MYEF2: variants seen among roughly 807,000 people sequenced by gnomAD.
MYEF2 encodes myelin gene expression factor 2.
MYEF2 carries 37 observed loss-of-function variants against 75.2 expected under a neutral mutation model. The ratio of observed to expected loss-of-function variants is 0.49; its 90% confidence interval spans 0.38 to 0.65. MYEF2 has a LOEUF of 0.65. Among genes scored for constraint, MYEF2 ranks in the 30% least tolerant of loss-of-function variants. MYEF2 has a pLI of 0.00. For missense variants in MYEF2, 634 were observed against 771.4 expected (o/e 0.82, Z 2.11); for synonymous variants, 195 against 241.6 (o/e 0.81, Z 1.79).
intron 11 of MYEF2, 96 bp from the exon 12 acceptor site, chr15:48,152,038 C>T: frequency 7.7e-7 from 1 of 1,292,486 alleles, no homozygotes; most frequent in Non-Finnish European, 1.1e-6. Context: ...AGCTCTTCAT[C>T]CACCCTACCT....
chr15:48,157,885 C>A, intron 9 of MYEF2, 108 bp downstream of exon 9: 1 of 1,522,584 alleles, frequency 6.6e-7, no homozygotes, highest in Non-Finnish European at 8.8e-7. Context: ...AAACTAATCC[C>A]AAATTGTGAG....
Position 48,165,926 on chromosome 15 carries a change from A to C in MYEF2, c.525+7T>G. 1.3e-6 allele frequency: 2 copies of C among 1,488,580 alleles called. No homozygotes were observed. Among genetic ancestry groups the C allele is most frequent in the Non-Finnish European group, 1.8e-6 (2 of 1,092,368 alleles). 92.2% of individuals were successfully genotyped at this position (1,488,580 alleles called of 1,614,324 possible). On this transcript the variant is annotated splice_region_variant and intron_variant, in intron 5 of 16. Coordinates refer to ENST00000324324, the MANE Select transcript of MYEF2 (RefSeq NM_016132.5). ...AATGTTTAAATTCTAAATATGAGAA[A>C]TCTTACCTCTTTAATATTAAGGGGT...
In MYEF2 at chr15:48,141,511, A is replaced by C. The variant is rs1031920567; in HGVS notation, c.*1397T>G. 2 of 204,368 alleles carry C rather than the reference A, an allele frequency of 9.8e-6. No individual in the cohort carries two copies. The highest frequency in any genetic ancestry group is 4.7e-5 in the African/African-American group (2 of 42,466). The allele number at this position is 204,368 out of a possible 1,614,324, so 12.7% of individuals were successfully genotyped here. On this transcript the variant is annotated 3_prime_UTR_variant, in exon 17 of 17. Coordinates refer to ENST00000324324, the MANE Select transcript of MYEF2 (RefSeq NM_016132.5). ...AGAATTGTTTGAATCCAGGAGGCGG[A>C]GGTTGCAGTGAGCCGAGATTGCGCC...
rs751803418 is a variant in MYEF2 at position 48,158,823 on chromosome 15, T to G, written c.817A>C (p.Arg273=). 101 of 1,613,732 alleles carry G rather than the reference T, an allele frequency of 6.3e-5. No homozygotes were observed. Among genetic ancestry groups the G allele is most frequent in the Non-Finnish European group, 8.6e-5 (101 of 1,179,826 alleles). Residue 273 remains arginine, a synonymous_variant, in exon 7 of 17, where the codon AGA becomes CGA. Coordinates refer to ENST00000324324, the MANE Select transcript of MYEF2 (RefSeq NM_016132.5). ...TCAAAAGTGACAGTGCCCATTCCTCTGCTCTTGCCATCTTTGTCTTCTTTA... is the reference window on the plus strand; with the variant it reads ...TCAAAAGTGACAGTGCCCATTCCTCGGCTCTTGCCATCTTTGTCTTCTTTA... ...DIKEDKDGKS[R]GMGTVTFEQA...
At position 48,152,282 on chromosome 15, in the gene MYEF2, T is replaced by A; in HGVS notation, c.1090A>T (p.Met364Leu). 6.2e-7 allele frequency: 1 copy of A among 1,607,906 alleles called. No individual in the cohort carries two copies. Among genetic ancestry groups the A allele is most frequent in the South Asian group, 1.1e-5 (1 of 90,828 alleles). The change falls in exon 11 of 17, where the codon ATG becomes TTG. Residue 364 changes from methionine (M) to leucine (L), a missense_variant and splice_region_variant. Physicochemically the swap from Met to Leu is conservative, Grantham distance 15. Transcript: ENST00000324324. The stretch of plus-strand genomic sequence containing the variant: ...CCAAAACCTGGACCATCCATTCCCA[T>A]ACCTCAAATAAAATACACAGTATGT... ...GVMGNLGPGG[M>L]GMDGPGFGGM...
In MYEF2 at chr15:48,178,161, G is replaced by A; in HGVS notation, c.77C>T (p.Pro26Leu). Residue 26 changes from proline to leucine, a missense_variant, in exon 1 of 17, where the codon CCG (proline) becomes CTG (leucine). Coordinates refer to ENST00000324324, the MANE Select transcript of MYEF2 (RefSeq NM_016132.5). ...GTGCGGCTCTCGCCGCGGCTCGCCC[G>A]GCGGCTCTGCGGGCTGCAGGTGCGG... ...DSPHLQPAEP[P>L]GEPRREPHPA... 1 of 1,557,892 alleles carries A rather than the reference G, an allele frequency of 6.4e-7. No homozygotes were observed. Among genetic ancestry groups the A allele is most frequent in the Non-Finnish European group, 8.7e-7 (1 of 1,152,690 alleles).
Position 48,139,378 on chromosome 15 carries a change from C to A in MYEF2, c.*3530G>T. 1 of 438,640 alleles carries A rather than the reference C, an allele frequency of 2.3e-6. No homozygotes were observed. The highest frequency in any genetic ancestry group is 4.1e-6 in the Non-Finnish European group (1 of 245,036). 27.2% of individuals were successfully genotyped at this position (438,640 alleles called of 1,614,324 possible). On this transcript the variant is annotated 3_prime_UTR_variant, in exon 17 of 17. Coordinates refer to ENST00000324324, the MANE Select transcript of MYEF2 (RefSeq NM_016132.5). ...GCATATTATATATAAACTGTATTTT[C>A]CACTGTTATTTAGCCTGGGGTACAA... is the stretch of plus-strand genomic sequence containing the variant.
chr15:48,141,066 T>A lies in MYEF2; in HGVS notation c.*1842A>T. On this transcript the variant is annotated 3_prime_UTR_variant, in exon 17 of 17. Transcript: ENST00000324324. ...TATCCAAAATAACTGCAAAGGATGGTTAGTGAATCTTTAAGATTTGTAACT... is the reference window on the plus strand; with the variant it reads ...TATCCAAAATAACTGCAAAGGATGGATAGTGAATCTTTAAGATTTGTAACT... 1.4e-6 allele frequency: 2 copies of A among 1,435,832 alleles called. No homozygotes were observed. The highest frequency in any genetic ancestry group is 2.0e-6 in the Non-Finnish European group (2 of 1,024,810). The allele number at this position is 1,435,832 out of a possible 1,614,324, so 88.9% of individuals were successfully genotyped here.
chr15:48,134,982 C>T lies in MYEF2; in HGVS notation c.*7926G>A. On this transcript the variant is annotated 3_prime_UTR_variant, in exon 17 of 17. Coordinates refer to ENST00000324324, the MANE Select transcript of MYEF2 (RefSeq NM_016132.5). ...GTATAATATATGACAACCAAGTTTACTGGTAAGCTTGAAAATAATTCTTAT... is the reference window on the plus strand; with the variant it reads ...GTATAATATATGACAACCAAGTTTATTGGTAAGCTTGAAAATAATTCTTAT... 6.3e-7 allele frequency: 1 copy of T among 1,597,818 alleles called. No homozygotes were observed. The highest frequency in any genetic ancestry group is 8.6e-7 in the Non-Finnish European group (1 of 1,167,118).
intron 3 of MYEF2, 117 bp downstream of exon 3, chr15:48,167,232 T>A: frequency 9.9e-7 from 1 of 1,009,868 alleles, no homozygotes; most frequent in South Asian, 1.5e-5. Context: ...AAATCTTGCA[T>A]AATAAAGTAA....
chr15:48,169,639 C>G (rs2140926834), intron 1 of MYEF2, among the ~76,000 whole-genome samples: 1 of 151,698 alleles, frequency 6.6e-6, no homozygotes, highest in South Asian at 2.1e-4. Flanking sequence ...GCTCTGTCAC[C>G]CAGGCTGGAG....
chr15:48,158,764 G>T lies in MYEF2; in HGVS notation c.871+5C>A. The T allele has an allele frequency of 6.2e-7, 1 of 1,613,170 alleles. No individual in the cohort carries two copies. Among genetic ancestry groups the T allele is most frequent in the Non-Finnish European group, 8.5e-7 (1 of 1,179,450 alleles). ...TAAACAATGCTGAAATGTAAATCAG[G>T]ATACAAATTGCTTGAACTGCTTCAA... On this transcript the variant is annotated splice_donor_5th_base_variant and intron_variant, in intron 7 of 16. Coordinates refer to ENST00000324324, the MANE Select transcript of MYEF2 (RefSeq NM_016132.5).
chr15:48,174,707 T>C (rs1162659989), intron 1 of MYEF2, among the ~76,000 whole-genome samples: 1 of 152,086 alleles, frequency 6.6e-6, no homozygotes, highest in Non-Finnish European at 1.5e-5. Flanking sequence ...ATATCACTGT[T>C]CATCAGGGAA....
intron 9 of MYEF2, among the ~76,000 whole-genome samples, chr15:48,156,603 T>C (rs1399097410): frequency 6.6e-6 from 1 of 150,934 alleles, no homozygotes; most frequent in Non-Finnish European, 1.5e-5. Context: ...TTCTAGCAAA[T>C]ATAAAGAGAA....
At chr15:48,143,359 A>G (rs1188311279) in intron 16 of MYEF2, among the ~76,000 whole-genome samples, 4 of 152,086 alleles carry the variant, frequency 2.6e-5, no homozygotes, top group South Asian at 2.1e-4. Context: ...TTTATAAGCA[A>G]TAAGTCAAGC....
Position 48,142,193 on chromosome 15 carries a change from A to C in MYEF2, c.*715T>G, listed in dbSNP as rs755509768. On this transcript the variant is annotated 3_prime_UTR_variant, in exon 17 of 17. Transcript: ENST00000324324. ...CATAACCATCTCTCTCAACATTTCA[A>C]TTATTTTTCTTTTTTTAGCAGTTCA... The C allele has an allele frequency of 2.5e-6, 4 of 1,613,748 alleles. No homozygotes were observed. In the African/African-American group the frequency reaches 4.0e-5, roughly 16 times the overall value.
Position 48,142,551 on chromosome 15 carries a change from G to GT in MYEF2, c.*356dup. On this transcript the variant is annotated 3_prime_UTR_variant, in exon 17 of 17. Coordinates refer to ENST00000324324, the MANE Select transcript of MYEF2 (RefSeq NM_016132.5). Reference sequence around the variant, plus strand: ...AAAAATTACATATTATAAAACAGAAGTTTGGGGGGAAAAAATCTATGTTTT... The same window carrying GT: ...AAAAATTACATATTATAAAACAGAAGTTTTGGGGGGAAAAAATCTATGTTTT... The GT allele has an allele frequency of 4.1e-6, 2 of 483,600 alleles. No homozygotes were observed. Among genetic ancestry groups the GT allele is most frequent in the Non-Finnish European group, 7.0e-6 (2 of 284,626 alleles). 30.0% of individuals were successfully genotyped at this position (483,600 alleles called of 1,614,324 possible).
intron 9 of MYEF2, chr15:48,157,765 T>C (rs540636814): frequency 1.8e-5 from 22 of 1,255,648 alleles, no homozygotes; most frequent in Middle Eastern, 3.2e-4. Context: ...CATTTTAGAA[T>C]GTATTGCTGA....
chr15:48,164,428 T>C (rs1183963635), intron 5 of MYEF2, among the ~76,000 whole-genome samples: 1 of 151,844 alleles, frequency 6.6e-6, no homozygotes, highest in East Asian at 1.9e-4. Context: ...AGAAAGTCAT[T>C]TCTTGAGATG....
Sources: allele counts gnomAD v4.1 joint callset (sites outside exome capture counted in the v4.1 genomes callset), GRCh38; gene constraint gnomAD v4.1.1; transcripts MANE v1.5; gene names NCBI Gene and HGNC (gene_info 2026-07-23, HGNC 2026-07-21).